ALK: variants seen among roughly 807,000 people sequenced by gnomAD.
ALK encodes ALK receptor tyrosine kinase, also known as ALK tyrosine kinase receptor.
ALK carries 74 observed loss-of-function variants against 163.1 expected under a neutral mutation model. That is an observed-to-expected ratio of 0.45 (90% CI 0.38 to 0.55). ALK has a LOEUF of 0.55. Ranked by LOEUF, ALK falls within the 20% of genes least tolerant of loss-of-function variation. The probability of loss-of-function intolerance (pLI) is 0.00; values close to 1 mark genes in which losing one functional copy is unlikely to be tolerated. For missense variants in ALK, 2,063 were observed against 2,105.3 expected (o/e 0.98, Z 0.39); for synonymous variants, 960 against 843.2 (o/e 1.14, Z -2.40).
At chr2:29,529,029 G>A (rs1402168194) in intron 4 of ALK, among the ~76,000 whole-genome samples, 1 of 152,178 alleles carries the variant, frequency 6.6e-6, no homozygotes, top group African/African-American at 2.4e-5. Flanking sequence ...CATATACTCT[G>A]CTGCTTTCCA....
At chr2:29,599,207 A>G (rs1675308152) in intron 3 of ALK, among the ~76,000 whole-genome samples, 1 of 151,730 alleles carries the variant, frequency 6.6e-6, no homozygotes, top group African/African-American at 2.4e-5. Flanking sequence ...AAAACACATT[A>G]CACTCTGTCC....
At chr2:29,624,814 A>G (rs903543470) in intron 3 of ALK, among the ~76,000 whole-genome samples, 72 of 152,230 alleles carry the variant, frequency 4.7e-4, no homozygotes, top group African/African-American at 1.5e-3. Flanking sequence ...TGCAATTCCC[A>G]AATCCCACGC....
At chr2:29,644,576 T>TC (rs70958275) in intron 3 of ALK, among the ~76,000 whole-genome samples, 1 of 150,898 alleles carries the variant, frequency 6.6e-6, no homozygotes, top group African/African-American at 2.4e-5. Flanking sequence ...GGTTTTTTTT[T>TC]CCCCCCACTC....
chr2:29,236,565 G>C (rs1338391839), intron 13 of ALK, among the ~76,000 whole-genome samples: 1 of 152,172 alleles, frequency 6.6e-6, no homozygotes, highest in Non-Finnish European at 1.5e-5. Context: ...CCCTGCTTCT[G>C]ATGTCTCCTT....
At chr2:29,715,288 C>G (rs1048509310) in intron 2 of ALK, among the ~76,000 whole-genome samples, 1 of 152,242 alleles carries the variant, frequency 6.6e-6, no homozygotes, top group East Asian at 1.9e-4. Context: ...GACTTGGGTA[C>G]TCTTACCCAG....
intron 4 of ALK, among the ~76,000 whole-genome samples, chr2:29,404,289 C>T (rs55797113): frequency 0.16 from 22,646 of 137,532 alleles, 2,086 homozygotes; most frequent in African/African-American, 0.26. Flanking sequence ...GCGTGACCCA[C>T]GGAGCAAGAC....
intron 4 of ALK, among the ~76,000 whole-genome samples, chr2:29,522,418 C>A (rs10171094): frequency 6.6e-6 from 1 of 151,964 alleles, no homozygotes; most frequent in Non-Finnish European, 1.5e-5. Context: ...ATACAAATTA[C>A]GGGGAATGAA....
chr2:29,711,945 T>C (rs1434225505), intron 2 of ALK, among the ~76,000 whole-genome samples: 1 of 152,208 alleles, frequency 6.6e-6, no homozygotes, highest in Non-Finnish European at 1.5e-5. Flanking sequence ...CATTCTCTTA[T>C]TATATTTTAT....
intron 5 of ALK, among the ~76,000 whole-genome samples, chr2:29,379,004 C>T (rs749828550): frequency 4.6e-5 from 7 of 152,160 alleles, no homozygotes; most frequent in Admixed American, 1.3e-4. Context: ...TGAGCCACCA[C>T]GCCTGGCACA....
At position 29,763,108 on chromosome 2, in the gene ALK, A is replaced by G. The variant is rs562739699; in HGVS notation, c.668-45411T>C. Among the ~76,000 whole-genome samples the G allele has an allele frequency of 1.4e-3, 209 of 150,980 alleles. 1 individual carries two copies. The highest frequency in any genetic ancestry group is 4.8e-3 in the African/African-American group (198 of 40,994). On this transcript the variant is annotated intron_variant, in intron 1 of 28. Coordinates refer to ENST00000389048, the MANE Select transcript of ALK (RefSeq NM_004304.5). ...TCTCAAAAAAAAAAAAAAAAAAAAA[A>G]TAGGACTCTGAAGTCAGATGACCTG... is the stretch of plus-strand genomic sequence containing the variant.
intron 3 of ALK, among the ~76,000 whole-genome samples, chr2:29,652,205 T>C (rs1677056980): frequency 6.6e-6 from 1 of 152,142 alleles, no homozygotes; most frequent in South Asian, 2.1e-4. Context: ...TTTATCTTTT[T>C]AGTCCACAGA....
intron 5 of ALK, among the ~76,000 whole-genome samples, chr2:29,357,794 C>T (rs1309614637): frequency 6.6e-6 from 1 of 152,212 alleles, no homozygotes; most frequent in Admixed American, 6.5e-5. Flanking sequence ...AAGCTATGAT[C>T]TTCCTGGAGG....
intron 1 of ALK, among the ~76,000 whole-genome samples, chr2:29,728,757 A>G (rs551192517): frequency 6.0e-4 from 91 of 152,290 alleles, no homozygotes; most frequent in African/African-American, 2.1e-3. Context: ...CCAGCTCCTT[A>G]TTTGCCACCA....
At chr2:29,208,371 T>TGTCA (rs1669370508) in intron 25 of ALK, among the ~76,000 whole-genome samples, 1 of 152,114 alleles carries the variant, frequency 6.6e-6, no homozygotes, top group South Asian at 2.1e-4. Context: ...AGCTGGGAGC[T>TGTCA]GTCAGAGCTG....
intron 8 of ALK, among the ~76,000 whole-genome samples, chr2:29,307,894 C>T (rs1184563130): frequency 6.6e-6 from 1 of 152,182 alleles, no homozygotes; most frequent in Non-Finnish European, 1.5e-5. Flanking sequence ...CCTGAAAATA[C>T]CACTTAATGT....
At chr2:29,652,488 C>A (rs1340207458) in intron 3 of ALK, among the ~76,000 whole-genome samples, 3 of 152,108 alleles carry the variant, frequency 2.0e-5, no homozygotes, top group Non-Finnish European at 4.4e-5. Context: ...GCATTCAATT[C>A]CTAAAATCCT....
chr2:29,239,132 C>T (rs1014931525), intron 13 of ALK, among the ~76,000 whole-genome samples: 3 of 152,194 alleles, frequency 2.0e-5, no homozygotes, highest in Non-Finnish European at 4.4e-5. Flanking sequence ...TTACTCCTGT[C>T]GTTTCACCTT....
intron 5 of ALK, among the ~76,000 whole-genome samples, chr2:29,347,230 T>C (rs927574926): frequency 1.6e-4 from 24 of 152,310 alleles, no homozygotes; most frequent in Middle Eastern, 3.4e-3. Context: ...GGGCTTCTCC[T>C]AGAACATTCT....
At chr2:29,225,865 G>A (rs534728668) in intron 18 of ALK, among the ~76,000 whole-genome samples, 12 of 152,224 alleles carry the variant, frequency 7.9e-5, no homozygotes, top group East Asian at 7.7e-4. Context: ...AAGGTGAAAC[G>A]AAAGTGGATC....
Sources: allele counts gnomAD v4.1 joint callset (sites outside exome capture counted in the v4.1 genomes callset), GRCh38; gene constraint gnomAD v4.1.1; transcripts MANE v1.5; gene names NCBI Gene and HGNC (gene_info 2026-07-23, HGNC 2026-07-21).